Variants in LCORL observed in about 807,000 individuals in gnomAD.
The protein encoded by LCORL is ligand-dependent nuclear receptor corepressor-like protein.
Under a neutral mutation model 141.8 loss-of-function variants are expected in LCORL, and 41 were observed. The observed-to-expected ratio is 0.29, with a 90% CI of 0.23 to 0.38. The LOEUF (loss-of-function observed/expected upper bound fraction) is 0.38, where lower values mean the gene tolerates loss of function less well. Among genes scored for constraint, LCORL ranks in the 10% least tolerant of loss-of-function variants. LCORL has a pLI of 1.00. For missense variants in LCORL, 1,759 were observed against 2,035.0 expected (o/e 0.86, Z 2.61); for synonymous variants, 618 against 694.1 (o/e 0.89, Z 1.72).
chr4:17,919,583 T>G (rs1175724421), intron 4 of LCORL, among the ~76,000 whole-genome samples: 1 of 152,264 alleles, frequency 6.6e-6, no homozygotes, highest in Non-Finnish European at 1.5e-5. Flanking sequence ...ATGTTTACAC[T>G]ATAGCCTATT....
intron 1 of LCORL, among the ~76,000 whole-genome samples, chr4:17,981,150 C>T (rs904963088): frequency 3.9e-5 from 6 of 152,160 alleles, no homozygotes; most frequent in Admixed American, 3.3e-4. Flanking sequence ...TTATTACAAA[C>T]ATTGCTGCAC....
At chr4:17,890,495 C>G (rs1728917610) in intron 5 of LCORL, among the ~76,000 whole-genome samples, 1 of 151,964 alleles carries the variant, frequency 6.6e-6, no homozygotes, top group Non-Finnish European at 1.5e-5. Flanking sequence ...TAAATATGAA[C>G]AAGTAACACG....
At chr4:17,877,800 C>G (rs1727076169) in exon 7 of LCORL, 3 of 1,230,600 alleles carry the variant, frequency 2.4e-6, no homozygotes, top group Non-Finnish European at 3.0e-6. Flanking sequence ...AGAACAGCAC[C>G]TGTGAGAATT....
chr4:17,940,707 A>T (rs1737813520), intron 4 of LCORL, among the ~76,000 whole-genome samples: 1 of 152,004 alleles, frequency 6.6e-6, no homozygotes, highest in African/African-American at 2.4e-5. Context: ...AGTTGAAGTA[A>T]ATGTTACATT....
In LCORL at chr4:17,871,078, A is replaced by T. The variant is rs906121083; in HGVS notation, c.5602+2310T>A. Reference sequence around the variant, plus strand: ...AGTAATTTATTCTACAAAGAAGAAAAACACATATAAAACTAATAATGAGTT... The same window carrying T: ...AGTAATTTATTCTACAAAGAAGAAATACACATATAAAACTAATAATGAGTT... On this transcript the variant is annotated intron_variant, in intron 7 of 7. Coordinates refer to ENST00000635767, the Ensembl canonical transcript of LCORL. Among the ~76,000 whole-genome samples, 4 of 152,144 alleles carry T rather than the reference A, an allele frequency of 2.6e-5. No individual in the cohort carries two copies. In the East Asian group the frequency reaches 7.7e-4, roughly 29 times the overall value.
chr4:17,859,064 G>C (rs772867102), intron 7 of LCORL, among the ~76,000 whole-genome samples: 12 of 152,162 alleles, frequency 7.9e-5, no homozygotes, highest in Non-Finnish European at 1.6e-4. Flanking sequence ...CTTTACAGTG[G>C]TGTGAAAGTG....
At chr4:17,912,622 C>T in intron 4 of LCORL, 2 of 397,652 alleles carry the variant, frequency 5.0e-6, no homozygotes, top group East Asian at 6.3e-5. Flanking sequence ...TGGAGATGGA[C>T]CTGGACTTGA....
chr4:17,844,319 A>G (rs1233250059), exon 8 of LCORL: 1 of 152,274 alleles, frequency 6.6e-6, no homozygotes, highest in Non-Finnish European at 1.5e-5. Context: ...GCAATACCCA[A>G]CGAAACACCT....
intron 4 of LCORL, among the ~76,000 whole-genome samples, chr4:17,927,934 A>T (rs1342193789): frequency 6.6e-6 from 1 of 152,232 alleles, no homozygotes; most frequent in Admixed American, 6.5e-5. Context: ...ATTTGTAAAA[A>T]AATGCAAAAT....
At chr4:17,982,397 C>G (rs1048426077) in intron 1 of LCORL, among the ~76,000 whole-genome samples, 2 of 152,160 alleles carry the variant, frequency 1.3e-5, no homozygotes, top group Non-Finnish European at 2.9e-5. Context: ...ATCCTCCCAC[C>G]AACAGTGTGT....
chr4:17,857,150 C>T (rs990534332), intron 7 of LCORL, among the ~76,000 whole-genome samples: 13 of 151,912 alleles, frequency 8.6e-5, no homozygotes, highest in African/African-American at 2.9e-4. Flanking sequence ...CTGCATGATA[C>T]GGAGAGAACC....
chr4:17,946,166 A>G (rs1738843992), intron 4 of LCORL, among the ~76,000 whole-genome samples: 1 of 152,036 alleles, frequency 6.6e-6, no homozygotes, highest in Non-Finnish European at 1.5e-5. Context: ...TTTATAGAGC[A>G]AAACGTTAAG....
At chr4:17,920,779 C>T (rs1206472659) in intron 4 of LCORL, among the ~76,000 whole-genome samples, 9 of 152,240 alleles carry the variant, frequency 5.9e-5, no homozygotes, top group African/African-American at 1.7e-4. Flanking sequence ...ACTTTCTCTG[C>T]TCATCCATAA....
intron 4 of LCORL, among the ~76,000 whole-genome samples, chr4:17,946,171 G>A (rs913926120): frequency 7.2e-5 from 11 of 151,998 alleles, no homozygotes; most frequent in East Asian, 3.9e-4. Flanking sequence ...AGAGCAAAAC[G>A]TTAAGATATC....
chr4:17,872,022 T>G (rs1726395857), intron 7 of LCORL, among the ~76,000 whole-genome samples: 1 of 152,044 alleles, frequency 6.6e-6, no homozygotes, highest in South Asian at 2.1e-4. Context: ...ACTATTTTAA[T>G]ATAAGACCTG....
At chr4:17,920,882 G>A (rs1256415812) in intron 4 of LCORL, among the ~76,000 whole-genome samples, 1 of 152,166 alleles carries the variant, frequency 6.6e-6, no homozygotes, top group African/African-American at 2.4e-5. Flanking sequence ...TTCTCTTGCT[G>A]TTTCTACCAC....
At chr4:17,941,452 CTG>C (rs1160803897) in intron 4 of LCORL, among the ~76,000 whole-genome samples, 5 of 150,992 alleles carry the variant, frequency 3.3e-5, no homozygotes, top group Admixed American at 2.6e-4. Context: ...GAGTGAGACT[CTG>C]TCTCAAAAAA....
intron 5 of LCORL, among the ~76,000 whole-genome samples, chr4:17,900,447 T>C (rs1471718074): frequency 6.6e-6 from 1 of 152,154 alleles, no homozygotes; most frequent in Non-Finnish European, 1.5e-5. Flanking sequence ...TATGGAGGAC[T>C]TCCTCTCATT....
intron 4 of LCORL, among the ~76,000 whole-genome samples, chr4:17,946,314 T>C (rs987073413): frequency 1.3e-4 from 20 of 152,032 alleles, no homozygotes; most frequent in African/African-American, 4.6e-4. Flanking sequence ...TATGGTATCC[T>C]AAAATTTGTT....
Sources: allele counts gnomAD v4.1 joint callset (sites outside exome capture counted in the v4.1 genomes callset), GRCh38; gene constraint gnomAD v4.1.1; transcripts MANE v1.5; gene names NCBI Gene and HGNC (gene_info 2026-07-23, HGNC 2026-07-21).